PTPRR: variants seen among roughly 807,000 people sequenced by gnomAD.
The protein encoded by PTPRR is receptor-type tyrosine-protein phosphatase R.
In PTPRR, 38 loss-of-function variants were observed where a neutral mutation model predicts 77.2. The observed-to-expected ratio is 0.49, with a 90% CI of 0.38 to 0.65. The LOEUF (loss-of-function observed/expected upper bound fraction) is 0.65, where lower values mean the gene tolerates loss of function less well. Ranked by LOEUF, PTPRR falls within the 30% of genes least tolerant of loss-of-function variation. The pLI is 0.00. For synonymous variants in PTPRR, 299 were observed against 283.1 expected, an observed-to-expected ratio of 1.06 and a Z score of -0.57; for missense variants, 744 against 799.2, an observed-to-expected ratio of 0.93 and a Z score of 0.83.
intron 2 of PTPRR, among the ~76,000 whole-genome samples, chr12:70,858,249 C>T (rs1232120690): frequency 1.3e-5 from 2 of 152,130 alleles, no homozygotes; most frequent in Admixed American, 6.6e-5. Flanking sequence ...ACTCTTCCCA[C>T]CTATTTCTGC....
intron 2 of PTPRR, among the ~76,000 whole-genome samples, chr12:70,774,469 G>A (rs1891047934): frequency 6.6e-6 from 1 of 152,192 alleles, no homozygotes; most frequent in Non-Finnish European, 1.5e-5. Context: ...GCAAAAATAT[G>A]AAAGCTGTAC....
chr12:70,776,621 C>A (rs1383533125), intron 2 of PTPRR, among the ~76,000 whole-genome samples: 1 of 152,118 alleles, frequency 6.6e-6, no homozygotes, highest in Non-Finnish European at 1.5e-5. Context: ...ATTAAACATG[C>A]CATGTCCTTT....
intron 13 of PTPRR, among the ~76,000 whole-genome samples, 200 bp downstream of exon 13, chr12:70,656,504 G>A (rs542539057): frequency 5.3e-5 from 8 of 152,184 alleles, no homozygotes; most frequent in Non-Finnish European, 1.0e-4. Context: ...ACTCCAGCCT[G>A]GATGACAGAG....
chr12:70,737,199 T>C (rs1481191670), intron 6 of PTPRR, among the ~76,000 whole-genome samples: 1 of 152,078 alleles, frequency 6.6e-6, no homozygotes, highest in Non-Finnish European at 1.5e-5. Flanking sequence ...CAACTGTCCA[T>C]GAGGGGCCAC....
intron 4 of PTPRR, chr12:70,754,581 C>T (rs1182413536): frequency 6.3e-7 from 1 of 1,597,584 alleles, no homozygotes; most frequent in South Asian, 1.1e-5. Context: ...CTCTTGGAAA[C>T]TACCTGGTTC....
chr12:70,837,280 C>T (rs1288108404), intron 2 of PTPRR, among the ~76,000 whole-genome samples: 1 of 152,068 alleles, frequency 6.6e-6, no homozygotes, highest in African/African-American at 2.4e-5. Context: ...ATGAAAGATG[C>T]TGAGCTATAT....
Position 70,672,628 on chromosome 12 carries a change from C to T in PTPRR, c.1498-10023G>A, listed in dbSNP as rs1887277036. On this transcript the variant is annotated intron_variant, in intron 10 of 13. Coordinates refer to ENST00000283228, the MANE Select transcript of PTPRR (RefSeq NM_002849.4). Reference sequence around the variant, plus strand: ...TGCACACATCTTAAAGACCTGCTGCCAAGTGAATGGGGAAGTGGTCCAGAG... The same window carrying T: ...TGCACACATCTTAAAGACCTGCTGCTAAGTGAATGGGGAAGTGGTCCAGAG... The T allele has an allele frequency of 8.6e-6, 13 of 1,516,324 alleles. No homozygotes were observed. In the South Asian group the frequency reaches 1.2e-4, roughly 14 times the overall value. 93.9% of individuals were successfully genotyped at this position (1,516,324 alleles called of 1,614,324 possible).
intron 5 of PTPRR, among the ~76,000 whole-genome samples, chr12:70,752,590 A>T (rs1364127344): frequency 6.6e-6 from 1 of 152,110 alleles, no homozygotes; most frequent in African/African-American, 2.4e-5. Context: ...GCCCTTTAGT[A>T]CTCAAAGGCT....
intron 6 of PTPRR, among the ~76,000 whole-genome samples, chr12:70,720,262 C>G (rs1889197830): frequency 6.6e-6 from 1 of 152,112 alleles, no homozygotes; most frequent in South Asian, 2.1e-4. Flanking sequence ...CAGTAATGTA[C>G]TCTGCGACCA....
intron 2 of PTPRR, among the ~76,000 whole-genome samples, chr12:70,799,310 C>G (rs1891571550): frequency 6.6e-6 from 1 of 152,132 alleles, no homozygotes; most frequent in Admixed American, 6.5e-5. Flanking sequence ...TCTAGACATA[C>G]CTCAATGTAT....
intron 7 of PTPRR, among the ~76,000 whole-genome samples, chr12:70,699,393 G>A: frequency 6.6e-6 from 1 of 152,072 alleles, no homozygotes; most frequent in Non-Finnish European, 1.5e-5. Flanking sequence ...AGAAAAGCTG[G>A]ACTATACTAT....
chr12:70,762,762 A>G (rs1304001747), intron 3 of PTPRR, among the ~76,000 whole-genome samples: 4 of 152,218 alleles, frequency 2.6e-5, no homozygotes, highest in Non-Finnish European at 5.9e-5. Context: ...ATTCACATAC[A>G]TGGAATATGG....
chr12:70,698,977 A>G (rs988350225), intron 7 of PTPRR, among the ~76,000 whole-genome samples: 1 of 152,182 alleles, frequency 6.6e-6, no homozygotes, highest in African/African-American at 2.4e-5. Flanking sequence ...TTCTTATTTT[A>G]TCAGAGTATA....
chr12:70,739,468 A>T (rs1015110045), intron 6 of PTPRR, among the ~76,000 whole-genome samples: 4 of 152,228 alleles, frequency 2.6e-5, no homozygotes, highest in Non-Finnish European at 4.4e-5. Context: ...CTTATGGAAG[A>T]TTCTTTAGAA....
intron 2 of PTPRR, among the ~76,000 whole-genome samples, chr12:70,884,286 A>C (rs764569846): frequency 1.1e-4 from 16 of 152,306 alleles, no homozygotes; most frequent in Middle Eastern, 6.8e-3. Flanking sequence ...CAGTATAATC[A>C]TCCATTAGCA....
At chr12:70,899,274 AC>A (rs1050872895) in intron 1 of PTPRR, among the ~76,000 whole-genome samples, 13 of 151,466 alleles carry the variant, frequency 8.6e-5, no homozygotes, top group Non-Finnish European at 1.8e-4. Context: ...CTAAAAAAAA[AC>A]ACTATAGACC....
At chr12:70,801,874 T>C (rs555018652) in intron 2 of PTPRR, among the ~76,000 whole-genome samples, 1 of 152,328 alleles carries the variant, frequency 6.6e-6, no homozygotes, top group South Asian at 2.1e-4. Flanking sequence ...ATAAACAGCT[T>C]TTCCTAAGAT....
At chr12:70,896,681 T>TA (rs759829266) in intron 1 of PTPRR, among the ~76,000 whole-genome samples, 6 of 151,806 alleles carry the variant, frequency 4.0e-5, no homozygotes, top group Non-Finnish European at 8.8e-5. Context: ...TGAACTAAAA[T>TA]AAAAATATAA....
intron 13 of PTPRR, among the ~76,000 whole-genome samples, chr12:70,656,387 C>G (rs999570540): frequency 2.0e-5 from 3 of 151,918 alleles, no homozygotes; most frequent in African/African-American, 7.3e-5. Flanking sequence ...AAAAATTAGC[C>G]AGGCATGGCG....
Sources: allele counts gnomAD v4.1 joint callset (sites outside exome capture counted in the v4.1 genomes callset), GRCh38; gene constraint gnomAD v4.1.1; transcripts MANE v1.5; gene names NCBI Gene and HGNC (gene_info 2026-07-23, HGNC 2026-07-21).